Variants in KDM2B observed in about 807,000 individuals in gnomAD.
The protein encoded by KDM2B is lysine demethylase 2B.
KDM2B carries 26 observed loss-of-function variants against 150.0 expected under a neutral mutation model. That is an observed-to-expected ratio of 0.17 (90% confidence interval 0.13 to 0.24). The LOEUF is 0.24. Among genes scored for constraint, KDM2B ranks in the 10% least tolerant of loss-of-function variants. The pLI is 1.00. For synonymous variants in KDM2B, 734 were observed against 729.5 expected, an observed-to-expected ratio of 1.01 and a Z score of -0.10; for missense variants, 1,265 against 1,816.9, an observed-to-expected ratio of 0.70 and a Z score of 5.52.
At chr12:121,502,760 CA>C (rs3080029) in intron 11 of KDM2B, among the ~76,000 whole-genome samples, 4,561 of 45,148 alleles carry the variant, frequency 0.1, 41 homozygotes, top group Non-Finnish European at 0.16. Context: ...CCATCTCTAC[CA>C]AAAAAAAAAA....
rs531211839 is a variant in KDM2B, at chr12:121,443,437, C to G, written c.2565+243G>C. ...GTGACAGCACGGCCCGTGGGTGGAG[C>G]AGGGCCACCAGGCTCCTCAGAGGTT... On this transcript the variant is annotated intron_variant, in intron 17 of 22. Coordinates refer to ENST00000377071, the MANE Select transcript of KDM2B (RefSeq NM_032590.5). 113 of 588,436 alleles carry G rather than the reference C, an allele frequency of 1.9e-4. 1 individual carries two copies. The South Asian group carries it at 2.2e-3, about 11-fold the overall frequency. 36.5% of individuals were successfully genotyped at this position (588,436 alleles called of 1,614,324 possible).
At chr12:121,483,078 G>A (rs1037226906) in intron 12 of KDM2B, among the ~76,000 whole-genome samples, 17 of 151,734 alleles carry the variant, frequency 1.1e-4, no homozygotes, top group Non-Finnish European at 1.9e-4. Flanking sequence ...CAGGAGAATC[G>A]CTTGAACCCA....
rs983032778 is a variant in KDM2B at position 121,453,734 on chromosome 12, G to T, written c.1735-390C>A. ...GCGCGGGGAAGGACCCTCCCCTAGA[G>T]CCCGCAGAGCCAGCCCGGCCCGCCA... On this transcript the variant is annotated intron_variant, in intron 12 of 22. Coordinates refer to ENST00000377071, the MANE Select transcript of KDM2B (RefSeq NM_032590.5). This position sits in a 1 kb window ranked among gnomAD's most constrained non-coding sequence, Gnocchi z 6.4. Among the ~76,000 whole-genome samples the T allele has an allele frequency of 2.6e-5, 4 of 152,156 alleles. No homozygotes were observed. Among genetic ancestry groups the T allele is most frequent in the African/African-American group, 9.7e-5 (4 of 41,432 alleles).
chr12:121,484,442 G>A (rs1394793924), intron 12 of KDM2B, among the ~76,000 whole-genome samples: 1 of 152,118 alleles, frequency 6.6e-6, no homozygotes, highest in Non-Finnish European at 1.5e-5. Flanking sequence ...GAAGATGAGA[G>A]GAAGTCAGGA....
At chr12:121,514,178 G>A (rs1489198312) in intron 9 of KDM2B, among the ~76,000 whole-genome samples, 2 of 152,092 alleles carry the variant, frequency 1.3e-5, no homozygotes, top group Non-Finnish European at 2.9e-5. Flanking sequence ...GCAGTGGCAC[G>A]ATCATAGCTC....
chr12:121,434,683 C>T (rs916092785), intron 22 of KDM2B, among the ~76,000 whole-genome samples: 6 of 152,032 alleles, frequency 3.9e-5, no homozygotes, highest in Non-Finnish European at 7.3e-5. Context: ...CCCGGCCGTG[C>T]GTGATGGCTC....
In KDM2B at chr12:121,441,130, C is replaced by T. The variant is rs782065375; in HGVS notation, c.3388G>A (p.Asp1130Asn). Reference protein sequence around the residue: ...GIIRRQPVSLDLSWTNISKKQ... With the variant: ...GIIRRQPVSLNLSWTNISKKQ... ...TTGGAGATATTGGTCCAGCTGAGGT[C>T]GAGGGAGACGGGCTGTCGCCGGATG... Residue 1130 changes from aspartate to asparagine, a missense_variant, in exon 20 of 23, where the codon GAC (aspartate) becomes AAC (asparagine). By Grantham distance (23) the Asp-to-Asn change is conservative (BLOSUM62 1). This residue lies in a region of KDM2B where 251 missense variants were observed against 397.8 expected (regional missense o/e 0.63). Coordinates refer to ENST00000377071, the MANE Select transcript of KDM2B (RefSeq NM_032590.5). The T allele has an allele frequency of 1.4e-5, 22 of 1,614,160 alleles. No homozygotes were observed. Among genetic ancestry groups the T allele is most frequent in the Middle Eastern group, 1.6e-4 (1 of 6,062 alleles).
At chr12:121,570,974 G>A (rs531590265) in intron 4 of KDM2B, among the ~76,000 whole-genome samples, 17 of 152,318 alleles carry the variant, frequency 1.1e-4, no homozygotes, top group African/African-American at 3.8e-4. Context: ...ACAAAATGTA[G>A]TCTATCCATA....
At chr12:121,551,377 G>A (rs1306242904) in intron 4 of KDM2B, among the ~76,000 whole-genome samples, 4 of 144,372 alleles carry the variant, frequency 2.8e-5, no homozygotes, top group South Asian at 2.2e-4. Flanking sequence ...ACAGGGTCTC[G>A]CTCTGTCACC....
Position 121,467,468 on chromosome 12 carries a change from G to C in KDM2B, c.1735-14124C>G. 3.7e-6 allele frequency: 2 copies of C among 545,676 alleles called. No homozygotes were observed. The highest frequency in any genetic ancestry group is 4.6e-6 in the Non-Finnish European group (2 of 430,644). The allele number at this position is 545,676 out of a possible 1,614,324, so 33.8% of individuals were successfully genotyped here. On this transcript the variant is annotated intron_variant, in intron 12 of 22. Transcript: ENST00000377071. This position sits in a 1 kb window ranked among gnomAD's most constrained non-coding sequence, Gnocchi z 5.1. ...AGGAAGGGGCTGGCCCCCCGGGCGGGCGGGCCAATGGCGCGGCCGCGGCGC... is the reference window on the plus strand; with the variant it reads ...AGGAAGGGGCTGGCCCCCCGGGCGGCCGGGCCAATGGCGCGGCCGCGGCGC...
rs1216408718 is a variant in KDM2B at position 121,521,814 on chromosome 12, G to C, written c.932-714C>G. On this transcript the variant is annotated intron_variant, in intron 8 of 22. Transcript: ENST00000377071. This position sits in a 1 kb window ranked among gnomAD's most constrained non-coding sequence, Gnocchi z 4.9. ...GCCAGACACAGTCACCATCACAAGG[G>C]AAACGGAGGCAGGGCCAGGTGTAGT... Among the ~76,000 whole-genome samples, 1 of 152,152 alleles carries C rather than the reference G, an allele frequency of 6.6e-6. No individual in the cohort carries two copies. The highest frequency in any genetic ancestry group is 1.5e-5 in the Non-Finnish European group (1 of 68,034).
intron 9 of KDM2B, among the ~76,000 whole-genome samples, chr12:121,517,830 T>C (rs889005978): frequency 2.6e-5 from 4 of 152,020 alleles, no homozygotes; most frequent in African/African-American, 9.7e-5. Context: ...TGACCGATGG[T>C]TCCCTCTGTC....
intron 14 of KDM2B, 23 bp from the exon 15 acceptor site, chr12:121,444,559 G>A: frequency 6.2e-7 from 1 of 1,607,752 alleles, no homozygotes; most frequent in Non-Finnish European, 8.5e-7. Context: ...CCAGGACTCA[G>A]AAGAGGGACG....
Position 121,430,750 on chromosome 12 carries a change from G to C in KDM2B, c.3830-281C>G. The C allele has an allele frequency of 3.6e-6, 2 of 562,250 alleles. No homozygotes were observed. Among genetic ancestry groups the C allele is most frequent in the Non-Finnish European group, 6.3e-6 (2 of 317,172 alleles). 34.8% of individuals were successfully genotyped at this position (562,250 alleles called of 1,614,324 possible). ...ACCACACAGCTGCCTCTATACGTGC[G>C]TATGCTCATGTAAGTAGTTCTATGT... On this transcript the variant is annotated intron_variant, in intron 22 of 22. Transcript: ENST00000377071. The surrounding 1 kb of genome is among the most constrained non-coding windows in gnomAD (Gnocchi z 4.4).
intron 8 of KDM2B, among the ~76,000 whole-genome samples, chr12:121,529,076 C>CA (rs1334497542): frequency 6.6e-6 from 1 of 152,090 alleles, no homozygotes; most frequent in African/African-American, 2.4e-5. Flanking sequence ...AACATAGATG[C>CA]AAAAAACCTC....
At chr12:121,527,299 T>C (rs1417200478) in intron 8 of KDM2B, among the ~76,000 whole-genome samples, 3 of 140,124 alleles carry the variant, frequency 2.1e-5, no homozygotes, top group Middle Eastern at 3.8e-3. Context: ...CTGCCCGCCT[T>C]GGCCTCCCAA....
intron 22 of KDM2B, among the ~76,000 whole-genome samples, chr12:121,434,442 G>A (rs1046200967): frequency 2.0e-5 from 3 of 147,226 alleles, no homozygotes; most frequent in Non-Finnish European, 4.4e-5. Context: ...GTTGCAGTGA[G>A]CCAAGATCGT....
In KDM2B at chr12:121,490,842, G is replaced by A. The variant is rs146372673; in HGVS notation, c.1734+3737C>T. ...AGAAAAGGGCTTTGTTCTCCTGGAG[G>A]CAAGGTGGGAGATCAAAGCATTTCT... On this transcript the variant is annotated intron_variant, in intron 12 of 22. Coordinates refer to ENST00000377071, the MANE Select transcript of KDM2B (RefSeq NM_032590.5). 2.6e-3 allele frequency among the ~76,000 whole-genome samples: 394 copies of A among 152,240 alleles called. 1 individual carries two copies. Among genetic ancestry groups the A allele is most frequent in the African/African-American group, 9.2e-3 (383 of 41,538 alleles).
intron 12 of KDM2B, among the ~76,000 whole-genome samples, chr12:121,455,940 C>T (rs1245228146): frequency 6.6e-6 from 1 of 152,224 alleles, no homozygotes; most frequent in African/African-American, 2.4e-5. Context: ...GAGCAGCCAA[C>T]AGAGCAGCCA....
Sources: gnomAD v4.1 joint callset for allele counts (sites outside exome capture counted in the v4.1 genomes callset) on GRCh38, gnomAD v4.1.1 for gene constraint, gnomAD v4.1.1 regional missense constraint, Gnocchi (gnomAD v3.1) non-coding constraint, MANE v1.5 for transcripts, NCBI Gene and HGNC (gene_info 2026-07-23, HGNC 2026-07-21) for gene names.